Variants in KAT2B observed in about 807,000 individuals in gnomAD.
KAT2B encodes the protein lysine acetyltransferase 2B.
KAT2B carries 36 observed loss-of-function variants against 105.9 expected under a neutral mutation model. That is an observed-to-expected ratio of 0.34 (90% CI 0.26 to 0.45). The LOEUF (loss-of-function observed/expected upper bound fraction) is 0.45, where lower values mean the gene tolerates loss of function less well. KAT2B is among the 20% of genes least tolerant of loss of function. The pLI, the probability that KAT2B is intolerant of heterozygous loss-of-function variation, is 1.00. For synonymous variants in KAT2B, 397 were observed against 377.9 expected, an observed-to-expected ratio of 1.05 and a Z score of -0.59; for missense variants, 820 against 1,021.6, an observed-to-expected ratio of 0.80 and a Z score of 2.69.
intron 1 of KAT2B, among the ~76,000 whole-genome samples, chr3:20,060,777 AAAAAT>A (rs1413092056): frequency 2.6e-5 from 4 of 152,058 alleles, no homozygotes; most frequent in African/African-American, 9.7e-5. Context: ...AATAAAAATA[AAAAAT>A]AAAATAAAAT....
At chr3:20,111,342 G>T (rs904117761) in intron 5 of KAT2B, among the ~76,000 whole-genome samples, 2 of 152,182 alleles carry the variant, frequency 1.3e-5, no homozygotes, top group African/African-American at 4.8e-5. Flanking sequence ...GATCCCAGGG[G>T]CTGTTTCATT....
intron 11 of KAT2B, among the ~76,000 whole-genome samples, chr3:20,134,501 C>T (rs145050585): frequency 4.3e-4 from 65 of 152,308 alleles, no homozygotes; most frequent in Non-Finnish European, 8.2e-4. Flanking sequence ...CTCCGACTCC[C>T]TGGTTCATGC....
intron 3 of KAT2B, among the ~76,000 whole-genome samples, chr3:20,098,202 C>T (rs1342612302): frequency 6.6e-6 from 1 of 151,128 alleles, no homozygotes; most frequent in Non-Finnish European, 1.5e-5. Context: ...TGCACTCCAA[C>T]CTGGCCGACA....
At chr3:20,040,849 T>G (rs962970517) in intron 1 of KAT2B, 69 bp downstream of exon 1, 4 of 1,405,662 alleles carry the variant, frequency 2.8e-6, no homozygotes, top group Non-Finnish European at 3.7e-6. Flanking sequence ...CCCCTCCCCC[T>G]CCCGCTTCCA....
intron 3 of KAT2B, among the ~76,000 whole-genome samples, chr3:20,097,278 T>G (rs751182920): frequency 1.3e-5 from 2 of 152,200 alleles, no homozygotes; most frequent in Non-Finnish European, 2.9e-5. Flanking sequence ...CAGCCTCTAT[T>G]TAGTTTATAA....
intron 6 of KAT2B, among the ~76,000 whole-genome samples, chr3:20,113,962 G>C (rs888210841): frequency 1.3e-5 from 2 of 151,940 alleles, no homozygotes; most frequent in Non-Finnish European, 2.9e-5. Context: ...ACCACTGATA[G>C]CTTCACCACT....
At chr3:20,051,558 C>T (rs1697916483) in intron 1 of KAT2B, among the ~76,000 whole-genome samples, 2 of 152,202 alleles carry the variant, frequency 1.3e-5, no homozygotes, top group Non-Finnish European at 2.9e-5. Flanking sequence ...CATAAAGCTC[C>T]AGTGGGCAAT....
In KAT2B at chr3:20,143,576, T is replaced by C. The variant is rs1292457500; in HGVS notation, c.2005-2740T>C. Among the ~76,000 whole-genome samples the C allele has an allele frequency of 2.0e-5, 3 of 152,212 alleles. No homozygotes were observed. In the East Asian group the frequency reaches 5.8e-4, roughly 29 times the overall value. On this transcript the variant is annotated intron_variant, in intron 13 of 17. Coordinates refer to ENST00000263754, the MANE Select transcript of KAT2B (RefSeq NM_003884.5). ...TAAATTGTTCTTACAAAAAGATACATGTGCTTTTATGTTCATTGCAGCGCT... is the reference window on the plus strand; with the variant it reads ...TAAATTGTTCTTACAAAAAGATACACGTGCTTTTATGTTCATTGCAGCGCT...
intron 14 of KAT2B, among the ~76,000 whole-genome samples, chr3:20,146,889 A>G (rs998177590): frequency 1.3e-5 from 2 of 152,240 alleles, no homozygotes; most frequent in African/African-American, 4.8e-5. Flanking sequence ...CCATGGTTGC[A>G]GCCTCCAAGA....
intron 1 of KAT2B, among the ~76,000 whole-genome samples, 167 bp downstream of exon 1, chr3:20,040,947 C>T (rs1038247729): frequency 2.6e-5 from 4 of 152,156 alleles, no homozygotes; most frequent in Non-Finnish European, 5.9e-5. Context: ...CAATTAGCTT[C>T]TTCTTGGATA....
chr3:20,133,951 CTT>C (rs963206254), intron 11 of KAT2B, among the ~76,000 whole-genome samples: 1 of 152,010 alleles, frequency 6.6e-6, no homozygotes, highest in Non-Finnish European at 1.5e-5. Flanking sequence ...TATTCTATCT[CTT>C]TTTTGTATTG....
At chr3:20,061,391 G>A (rs1159312484) in intron 1 of KAT2B, among the ~76,000 whole-genome samples, 1 of 152,154 alleles carries the variant, frequency 6.6e-6, no homozygotes, top group African/African-American at 2.4e-5. Context: ...GGATGCTGGG[G>A]TTGCTTGGAC....
At chr3:20,122,964 T>A in intron 9 of KAT2B, 160 bp downstream of exon 9, 1 of 984,844 alleles carries the variant, frequency 1.0e-6, no homozygotes, top group Non-Finnish European at 1.2e-6. Context: ...CAGGAACAAC[T>A]GATCAAGAGG....
chr3:20,122,012 A>G (rs1367822535), intron 8 of KAT2B, among the ~76,000 whole-genome samples: 1 of 152,084 alleles, frequency 6.6e-6, no homozygotes. Context: ...CCGTACATAT[A>G]TGGTGGGGTG....
intron 1 of KAT2B, among the ~76,000 whole-genome samples, chr3:20,052,738 T>C (rs1325075886): frequency 1.3e-5 from 2 of 150,424 alleles, no homozygotes; most frequent in Non-Finnish European, 3.0e-5. Flanking sequence ...GAGGCTGAGG[T>C]GGTCACATCA....
chr3:20,049,602 T>C (rs1697879252), intron 1 of KAT2B, among the ~76,000 whole-genome samples: 1 of 152,216 alleles, frequency 6.6e-6, no homozygotes, highest in Non-Finnish European at 1.5e-5. Context: ...TTGAGAGGAT[T>C]ACATTTGTTT....
At position 20,040,465 on chromosome 3, in the gene KAT2B, G is replaced by T. The variant is rs1697690057; in HGVS notation, c.-13G>T. The T allele has an allele frequency of 2.8e-6, 3 of 1,073,288 alleles. No individual in the cohort carries two copies. The highest frequency in any genetic ancestry group is 1.2e-4 in the East Asian group (2 of 16,196). The allele number at this position is 1,073,288 out of a possible 1,614,324, so 66.5% of individuals were successfully genotyped here. A position where few individuals can be genotyped will look rare whatever the true frequency, so the allele number is the denominator to read the frequency against. On this transcript the variant is annotated 5_prime_UTR_variant, in exon 1 of 18. Coordinates refer to ENST00000263754, the MANE Select transcript of KAT2B (RefSeq NM_003884.5). ...CCTGACACTCGGCGCCTCCTGCCGT[G>T]CTCCGGGGCGGCATGTCCGAGGCTG... is the stretch of plus-strand genomic sequence containing the variant.
intron 1 of KAT2B, among the ~76,000 whole-genome samples, chr3:20,062,498 G>C (rs1375254822): frequency 7.1e-6 from 1 of 141,180 alleles, no homozygotes; most frequent in Non-Finnish European, 1.5e-5. Context: ...GTTTTGCTCT[G>C]TCACCCAGGC....
intron 1 of KAT2B, among the ~76,000 whole-genome samples, chr3:20,041,027 G>C (rs1367950454): frequency 6.6e-6 from 1 of 152,294 alleles, no homozygotes; most frequent in East Asian, 1.9e-4. Context: ...CGCTTGAAAG[G>C]AGTAGCTTCG....
Sources: gnomAD v4.1 joint callset for allele counts (sites outside exome capture counted in the v4.1 genomes callset) on GRCh38, gnomAD v4.1.1 for gene constraint, MANE v1.5 for transcripts, NCBI Gene and HGNC (gene_info 2026-07-23, HGNC 2026-07-21) for gene names.